The following ATP2B2 variants were observed in gnomAD, a reference collection of about 807,000 sequenced individuals.
ATP2B2 encodes plasma membrane calcium-transporting ATPase 2.
Under a neutral mutation model 120.0 loss-of-function variants are expected in ATP2B2, and 15 were observed. That is an observed-to-expected ratio of 0.12 (90% CI 0.08 to 0.19). ATP2B2 has a LOEUF of 0.19. Ranked by LOEUF, ATP2B2 falls within the 10% of genes least tolerant of loss-of-function variation. ATP2B2 has a pLI of 1.00. For missense variants in ATP2B2, 1,045 were observed against 1,719.8 expected (o/e 0.61, Z 6.94); for synonymous variants, 694 against 700.3 (o/e 0.99, Z 0.14).
intron 1 of ATP2B2, among the ~76,000 whole-genome samples, chr3:10,468,034 C>T (rs1416461171): frequency 1.3e-5 from 2 of 152,200 alleles, no homozygotes; most frequent in East Asian, 1.9e-4. Context: ...CACATGACCT[C>T]GACACTCAAT....
rs746292256 is a variant in ATP2B2 at position 10,358,773 on chromosome 3, G to T, written c.2054C>A (p.Pro685Gln). ...AYRDFPSSPE[P>Q]DWDNENDILN... Reference sequence around the variant, plus strand: ...GATGTCATTCTCATTGTCCCAGTCCGGCTCCGGGCTGCTGGGGAAGTCGCG... The same window carrying T: ...GATGTCATTCTCATTGTCCCAGTCCTGCTCCGGGCTGCTGGGGAAGTCGCG... Residue 685 changes from proline to glutamine, a missense_variant, in exon 14 of 23, where the codon CCG (proline) becomes CAG (glutamine). Physicochemically the swap from Pro to Gln is moderately conservative, Grantham distance 76 (BLOSUM62 -1). This residue lies in a region of ATP2B2 where 343 missense variants were observed against 536.8 expected (regional missense o/e 0.64). Coordinates refer to ENST00000360273, the MANE Select transcript of ATP2B2 (RefSeq NM_001001331.4). 6.2e-7 allele frequency: 1 copy of T among 1,614,100 alleles called. No individual in the cohort carries two copies. Among genetic ancestry groups the T allele is most frequent in the Non-Finnish European group, 8.5e-7 (1 of 1,180,056 alleles).
chr3:10,647,486 T>C (rs531254274), intron 1 of ATP2B2, among the ~76,000 whole-genome samples: 1 of 152,320 alleles, frequency 6.6e-6, no homozygotes, highest in East Asian at 1.9e-4. Flanking sequence ...AATAAGAGGA[T>C]GGCTGGGACT....
intron 1 of ATP2B2, among the ~76,000 whole-genome samples, chr3:10,672,346 T>C (rs1360768509): frequency 2.0e-5 from 3 of 152,216 alleles, no homozygotes; most frequent in Non-Finnish European, 4.4e-5. Flanking sequence ...ACCCTTTATT[T>C]CTGTCATCCT....
intron 5 of ATP2B2, among the ~76,000 whole-genome samples, 188 bp from the exon 6 acceptor site, chr3:10,388,590 G>T (rs555980106): frequency 3.3e-5 from 5 of 152,300 alleles, no homozygotes; most frequent in African/African-American, 7.2e-5. Context: ...TCAGGACAGT[G>T]CTGGGGTGGA....
intron 1 of ATP2B2, among the ~76,000 whole-genome samples, chr3:10,481,536 A>G (rs2065413658): frequency 6.6e-6 from 1 of 152,024 alleles, no homozygotes; most frequent in Non-Finnish European, 1.5e-5. Context: ...ACTCTGCTAT[A>G]TTCTATTTTA....
chr3:10,512,955 A>G (rs2066802169), intron 3 of ATP2B2, among the ~76,000 whole-genome samples: 1 of 152,200 alleles, frequency 6.6e-6, no homozygotes, highest in Admixed American at 6.5e-5. Flanking sequence ...GCACGATGCC[A>G]TGTGCTTCCT....
chr3:10,696,383 G>A (rs1007478960), intron 1 of ATP2B2, among the ~76,000 whole-genome samples: 1 of 152,166 alleles, frequency 6.6e-6, no homozygotes, highest in Non-Finnish European at 1.5e-5. Flanking sequence ...ATCAGGATGA[G>A]CTGCGATTGA....
chr3:10,658,422 A>C (rs1434196229), intron 1 of ATP2B2, among the ~76,000 whole-genome samples: 1 of 152,260 alleles, frequency 6.6e-6, no homozygotes, highest in East Asian at 1.9e-4. Flanking sequence ...GCTGAAAACC[A>C]TGGCATGAGA....
chr3:10,328,930 G>C lies in ATP2B2; in HGVS notation c.3616C>G (p.Leu1206Val). Reference sequence around the variant, plus strand: ...TCGATGGCGCTGTTGTTCTTGTTGAGGGATGACGGCGGGCTCGAGTTCTGC... The same window carrying C: ...TCGATGGCGCTGTTGTTCTTGTTGACGGATGACGGCGGGCTCGAGTTCTGC... ...LKQNSSPPSS[L>V]NKNNSAIDSG... The change falls in exon 23 of 23, where the codon CTC (leucine) becomes GTC (valine). Residue 1206 changes from leucine (L) to valine (V), a missense_variant. Around this residue, in one of 11 missense-constraint regions of ATP2B2, gnomAD observed 211 missense variants for 385.1 expected, o/e 0.55. Transcript: ENST00000360273. 6.2e-7 allele frequency: 1 copy of C among 1,613,970 alleles called. No homozygotes were observed. Among genetic ancestry groups the C allele is most frequent in the Non-Finnish European group, 8.5e-7 (1 of 1,180,006 alleles).
chr3:10,394,711 A>G, intron 5 of ATP2B2: 1 of 375,936 alleles, frequency 2.7e-6, no homozygotes, highest in Non-Finnish European at 5.6e-6. Context: ...CAGAGTCCCA[A>G]GAGGGTTTAC....
intron 1 of ATP2B2, among the ~76,000 whole-genome samples, chr3:10,675,610 T>G (rs897390170): frequency 6.6e-6 from 1 of 152,138 alleles, no homozygotes; most frequent in Non-Finnish European, 1.5e-5. Flanking sequence ...TAGCCCAGGG[T>G]GCCTGTGACT....
At chr3:10,679,889 A>G (rs972720342) in intron 1 of ATP2B2, among the ~76,000 whole-genome samples, 3 of 152,090 alleles carry the variant, frequency 2.0e-5, no homozygotes, top group Non-Finnish European at 4.4e-5. Context: ...AAGAAATAAG[A>G]GAGCAGGAGG....
exon 1 of ATP2B2, chr3:10,707,959 C>CCGCTGCCGCTGCCGCT (rs1559529295): frequency 6.7e-6 from 1 of 149,890 alleles, no homozygotes; most frequent in African/African-American, 2.5e-5. Flanking sequence ...CCGCTGCCGC[C>CCGCTGCCGCTGCCGCT]GCCGCTGCCG....
At chr3:10,388,170 C>T (rs1033969166) in intron 6 of ATP2B2, 107 bp downstream of exon 6, 93 of 1,540,062 alleles carry the variant, frequency 6.0e-5, no homozygotes, top group Middle Eastern at 1.7e-4. Context: ...GCACAGGGTG[C>T]GGACGTAGAA....
At chr3:10,490,948 C>A (rs2065910528) in intron 1 of ATP2B2, among the ~76,000 whole-genome samples, 1 of 152,214 alleles carries the variant, frequency 6.6e-6, no homozygotes, top group Admixed American at 6.5e-5. Context: ...GTGTTGTTTG[C>A]TATGCTGTTT....
At chr3:10,668,734 C>G (rs2071014296) in intron 1 of ATP2B2, among the ~76,000 whole-genome samples, 1 of 152,208 alleles carries the variant, frequency 6.6e-6, no homozygotes, top group African/African-American at 2.4e-5. Flanking sequence ...CACCATCTAA[C>G]AACCTCCTGC....
intron 19 of ATP2B2, among the ~76,000 whole-genome samples, chr3:10,341,030 A>G (rs772186827): frequency 4.9e-4 from 74 of 151,578 alleles, no homozygotes; most frequent in Middle Eastern, 3.4e-3. Context: ...AGACTGGAAA[A>G]CTCATTCTGG....
rs763511171 is a variant in ATP2B2, at chr3:10,401,011, T to C, written c.723A>G (p.Leu241=). The C allele has an allele frequency of 1.2e-6, 2 of 1,614,024 alleles. No individual in the cohort carries two copies. Among genetic ancestry groups the C allele is most frequent in the Non-Finnish European group, 1.7e-6 (2 of 1,180,024 alleles). ...GNDLKIDESS[L]TGESDQVRKS... ...TGCGCACCTGGTCAGACTCTCCAGTTAGGGAGCTTTCATCAATCTTGAGGT... is the reference window on the plus strand; with the variant it reads ...TGCGCACCTGGTCAGACTCTCCAGTCAGGGAGCTTTCATCAATCTTGAGGT... Residue 241 remains leucine, a synonymous_variant, in exon 5 of 23, where the codon CTA becomes CTG. Coordinates refer to ENST00000360273, the MANE Select transcript of ATP2B2 (RefSeq NM_001001331.4).
At chr3:10,385,164 C>A (rs1385367271) in intron 8 of ATP2B2, 104 bp downstream of exon 8, 1 of 1,178,702 alleles carries the variant, frequency 8.5e-7, no homozygotes, top group Non-Finnish European at 1.3e-6. Context: ...CCATGCACAT[C>A]CGAGATCTGT....
Sources: allele counts gnomAD v4.1 joint callset (sites outside exome capture counted in the v4.1 genomes callset), GRCh38; gene constraint gnomAD v4.1.1; regional missense constraint gnomAD v4.1.1; transcripts MANE v1.5; gene names NCBI Gene and HGNC (gene_info 2026-07-23, HGNC 2026-07-21).